MATCAP2: variants seen among roughly 807,000 people sequenced by gnomAD.
The protein encoded by MATCAP2 is microtubule associated tyrosine carboxypeptidase 2.
At chr7:36,352,206 G>T in the MATCAP2 span, among the ~76,000 whole-genome samples, 1 of 151,494 alleles carries the variant, frequency 6.6e-6, no homozygotes, top group Non-Finnish European at 1.5e-5. Context: ...CACCAGCCTG[G>T]CCAACATGGC....
the MATCAP2 span, chr7:36,337,723 G>GT: frequency 8.5e-5 from 13 of 152,106 alleles, no homozygotes; most frequent in African/African-American, 3.1e-4. Flanking sequence ...CAAGGAGTTT[G>GT]ACCTGTAACT....
At chr7:36,364,644 G>T in the MATCAP2 span, among the ~76,000 whole-genome samples, 1 of 152,190 alleles carries the variant, frequency 6.6e-6, no homozygotes, top group South Asian at 2.1e-4. Flanking sequence ...ATCAAGTTCT[G>T]CTAACCAGAA....
At chr7:36,373,029 C>T in the MATCAP2 span, among the ~76,000 whole-genome samples, 5 of 151,608 alleles carry the variant, frequency 3.3e-5, no homozygotes, top group African/African-American at 1.2e-4. Context: ...TGCTTGAATC[C>T]CAGGGGCGGA....
the MATCAP2 span, among the ~76,000 whole-genome samples, chr7:36,371,617 G>A: frequency 6.6e-6 from 1 of 152,108 alleles, no homozygotes; most frequent in African/African-American, 2.4e-5. Context: ...AAAGACTCAG[G>A]AGAAGTTTGA....
the MATCAP2 span, among the ~76,000 whole-genome samples, chr7:36,377,482 A>T: frequency 6.6e-6 from 1 of 152,146 alleles, no homozygotes; most frequent in Non-Finnish European, 1.5e-5. Flanking sequence ...TGTTATTCTG[A>T]TGGGCTTCCC....
At chr7:36,386,133 C>T in the MATCAP2 span, among the ~76,000 whole-genome samples, 4 of 150,334 alleles carry the variant, frequency 2.7e-5, no homozygotes, top group Non-Finnish European at 4.4e-5. Flanking sequence ...CCAGCCTTGG[C>T]GAAAGAGCGA....
chr7:36,360,585 G>C, the MATCAP2 span, among the ~76,000 whole-genome samples: 1 of 152,188 alleles, frequency 6.6e-6, no homozygotes, highest in South Asian at 2.1e-4. Flanking sequence ...GGGGCACATG[G>C]TCCTTCACGC....
At chr7:36,327,838 G>T in the MATCAP2 span, among the ~76,000 whole-genome samples, 1 of 152,118 alleles carries the variant, frequency 6.6e-6, no homozygotes, top group Non-Finnish European at 1.5e-5. Flanking sequence ...AACACTTCTA[G>T]TCCCAAGCAT....
At chr7:36,350,222 ATT>A in the MATCAP2 span, among the ~76,000 whole-genome samples, 37 of 152,112 alleles carry the variant, frequency 2.4e-4, 1 homozygote, top group African/African-American at 8.7e-4. Flanking sequence ...TTCCAATTAA[ATT>A]TTTTTCTATC....
the MATCAP2 span, chr7:36,355,725 CA>C: frequency 1.3e-5 from 2 of 152,184 alleles, no homozygotes; most frequent in Admixed American, 1.3e-4. Context: ...GCGAGAGAAC[CA>C]TGCAGTTTTA....
the MATCAP2 span, chr7:36,356,650 A>G: frequency 1.8e-6 from 1 of 568,468 alleles, no homozygotes; most frequent in African/African-American, 1.9e-5. Context: ...CAGAATCTGA[A>G]GCTGTCTTCC....
chr7:36,370,880 G>A, the MATCAP2 span, among the ~76,000 whole-genome samples: 1 of 152,206 alleles, frequency 6.6e-6, no homozygotes, highest in Non-Finnish European at 1.5e-5. Flanking sequence ...AACCAAAAAT[G>A]CCATTGCAGT....
chr7:36,361,453 A>G, the MATCAP2 span, among the ~76,000 whole-genome samples: 4 of 152,360 alleles, frequency 2.6e-5, no homozygotes, highest in East Asian at 7.7e-4. Flanking sequence ...TGGTTCACTA[A>G]TACTTACGAA....
chr7:36,356,129 G>C, the MATCAP2 span: 1 of 152,050 alleles, frequency 6.6e-6, no homozygotes, highest in African/African-American at 2.4e-5. Flanking sequence ...ATCAAGCTTC[G>C]GTTCCCAAAC....
the MATCAP2 span, among the ~76,000 whole-genome samples, chr7:36,348,897 G>T: frequency 6.6e-6 from 1 of 152,208 alleles, no homozygotes; most frequent in Non-Finnish European, 1.5e-5. Context: ...GGATGGACAG[G>T]CACTGGGAAA....
the MATCAP2 span, among the ~76,000 whole-genome samples, chr7:36,360,251 T>A: frequency 6.6e-6 from 1 of 152,140 alleles, no homozygotes; most frequent in Non-Finnish European, 1.5e-5. Flanking sequence ...AAAGCATCAG[T>A]GACCTCCAAA....
At chr7:36,363,528 C>G in the MATCAP2 span, among the ~76,000 whole-genome samples, 5 of 152,196 alleles carry the variant, frequency 3.3e-5, no homozygotes, top group Non-Finnish European at 5.9e-5. Flanking sequence ...AACAGTTGAG[C>G]AAACCATCGG....
chr7:36,356,193 G>A, the MATCAP2 span: 1 of 152,174 alleles, frequency 6.6e-6, no homozygotes, highest in Non-Finnish European at 1.5e-5. Flanking sequence ...AAGAACCAGG[G>A]ATTGCATGCT....
chr7:36,330,065 AT>A, the MATCAP2 span, among the ~76,000 whole-genome samples: 5 of 140,044 alleles, frequency 3.6e-5, no homozygotes, highest in Non-Finnish European at 6.3e-5. Flanking sequence ...TTTTTATTTT[AT>A]TTTATTTTAT....
Sources: allele counts gnomAD v4.1 joint callset (sites outside exome capture counted in the v4.1 genomes callset), GRCh38; gene constraint gnomAD v4.1.1; transcripts MANE v1.5; gene names NCBI Gene and HGNC (gene_info 2026-07-23, HGNC 2026-07-21).